Variants in ARHGAP18 observed in about 807,000 individuals in gnomAD.
ARHGAP18 encodes the protein Rho GTPase activating protein 18, also known as rho GTPase-activating protein 18.
A neutral mutation model predicts 86.2 loss-of-function variants in ARHGAP18; 67 were observed. The observed-to-expected ratio is 0.78, with a 90% CI of 0.64 to 0.95. The LOEUF (loss-of-function observed/expected upper bound fraction) is 0.95, where lower values mean the gene tolerates loss of function less well. ARHGAP18 is among the 40% of genes least tolerant of loss of function. ARHGAP18 has a pLI of 0.00. For synonymous variants in ARHGAP18, 283 were observed against 280.4 expected (o/e 1.01, Z -0.09); for missense variants, 691 against 780.4 (o/e 0.89, Z 1.37).
chr6:129,658,720 T>C (rs191854723), intron 1 of ARHGAP18, among the ~76,000 whole-genome samples: 1 of 152,354 alleles, frequency 6.6e-6, no homozygotes, highest in Non-Finnish European at 1.5e-5. Context: ...GGTGATTCAG[T>C]AAGAATCAAG....
chr6:129,611,654 A>C (rs113861037), intron 7 of ARHGAP18, 44 bp from the exon 8 acceptor site: 10 of 1,539,764 alleles, frequency 6.5e-6, no homozygotes, highest in African/African-American at 4.1e-5. Flanking sequence ...TATTTGTAAC[A>C]GGTACAATTC....
chr6:129,618,724 C>T lies in ARHGAP18; in HGVS notation c.915G>A (p.Glu305=), dbSNP rs1345128240. ...LTALYDVLGI[E]LKQQKAVKIK... ...TTTTCACAGCTTTTTGTTGTTTCAGCTCAATACCCAATACATCATAGAGGG... is the reference window on the plus strand; with the variant it reads ...TTTTCACAGCTTTTTGTTGTTTCAGTTCAATACCCAATACATCATAGAGGG... The change falls in exon 6 of 15, where the codon GAG becomes GAA. Residue 305 remains glutamate, a synonymous_variant. Transcript: ENST00000368149. 2 of 1,612,022 alleles carry T rather than the reference C, an allele frequency of 1.2e-6. No homozygotes were observed. The highest frequency in any genetic ancestry group is 1.7e-6 in the Non-Finnish European group (2 of 1,179,030).
At chr6:129,657,300 T>A (rs1292694389) in intron 1 of ARHGAP18, among the ~76,000 whole-genome samples, 1 of 152,130 alleles carries the variant, frequency 6.6e-6, no homozygotes, top group African/African-American at 2.4e-5. Context: ...AATATTATGC[T>A]AATAAAAGGG....
chr6:129,700,871 A>G (rs1466014797), intron 1 of ARHGAP18, among the ~76,000 whole-genome samples: 1 of 152,122 alleles, frequency 6.6e-6, no homozygotes, highest in Non-Finnish European at 1.5e-5. Context: ...ATCTAGCTCC[A>G]AAATCTGTGT....
At chr6:129,635,565 T>C (rs1240995080) in intron 3 of ARHGAP18, among the ~76,000 whole-genome samples, 2 of 152,206 alleles carry the variant, frequency 1.3e-5, no homozygotes, top group African/African-American at 2.4e-5. Flanking sequence ...GAGCATGTGG[T>C]CGGAATTATT....
intron 1 of ARHGAP18, among the ~76,000 whole-genome samples, chr6:129,642,418 A>G (rs1354092247): frequency 6.6e-6 from 1 of 151,906 alleles, no homozygotes; most frequent in Non-Finnish European, 1.5e-5. Context: ...CTGAGGAGCT[A>G]CTACTACAGG....
At chr6:129,680,612 C>T (rs1458357891) in intron 1 of ARHGAP18, among the ~76,000 whole-genome samples, 1 of 152,196 alleles carries the variant, frequency 6.6e-6, no homozygotes, top group Non-Finnish European at 1.5e-5. Flanking sequence ...CAGCCCCCTA[C>T]ACAGGGCCAG....
intron 1 of ARHGAP18, among the ~76,000 whole-genome samples, chr6:129,675,102 A>C (rs756989754): frequency 6.6e-6 from 1 of 152,150 alleles, no homozygotes; most frequent in Non-Finnish European, 1.5e-5. Context: ...TACTCCTTAC[A>C]ATCTTGCCAT....
At chr6:129,652,358 A>G (rs372876620) in intron 1 of ARHGAP18, among the ~76,000 whole-genome samples, 3 of 152,160 alleles carry the variant, frequency 2.0e-5, no homozygotes, top group East Asian at 3.8e-4. Context: ...TTACCCATTC[A>G]TTTTTATTGT....
chr6:129,629,419 T>G lies in ARHGAP18; in HGVS notation c.720A>C (p.Ala240=), dbSNP rs751768603. 1 of 1,613,828 alleles carries G rather than the reference T, an allele frequency of 6.2e-7. No homozygotes were observed. The highest frequency in any genetic ancestry group is 1.3e-5 in the African/African-American group (1 of 74,848). ...CCTTGGAGCTCTCTTTCTGATTGAGTGCTTGCTCGGCAAATGATACCTCCA... is the reference window on the plus strand; with the variant it reads ...CCTTGGAGCTCTCTTTCTGATTGAGGGCTTGCTCGGCAAATGATACCTCCA... The part of the protein sequence containing the change: ...INLEVSFAEQ[A]LNQKESSKEK... The change falls in exon 5 of 15, where the codon GCA becomes GCC. Residue 240 remains alanine, a synonymous_variant. Transcript: ENST00000368149.
At chr6:129,649,374 C>G (rs747416500) in intron 1 of ARHGAP18, among the ~76,000 whole-genome samples, 2 of 151,810 alleles carry the variant, frequency 1.3e-5, no homozygotes, top group African/African-American at 4.8e-5. Context: ...GCCAACAGGG[C>G]GAAACCTCGT....
At chr6:129,675,855 G>A (rs1774223715) in intron 1 of ARHGAP18, among the ~76,000 whole-genome samples, 1 of 152,034 alleles carries the variant, frequency 6.6e-6, no homozygotes, top group African/African-American at 2.4e-5. Flanking sequence ...ACCAAGTTTA[G>A]CCAAGAGCCA....
At chr6:129,679,497 C>T (rs1398500635) in intron 1 of ARHGAP18, among the ~76,000 whole-genome samples, 2 of 152,146 alleles carry the variant, frequency 1.3e-5, no homozygotes, top group East Asian at 1.9e-4. Flanking sequence ...AATGTGGATA[C>T]AATTATACAC....
At chr6:129,582,723 T>C (rs1176162194) in intron 13 of ARHGAP18, among the ~76,000 whole-genome samples, 1 of 152,208 alleles carries the variant, frequency 6.6e-6, no homozygotes, top group Non-Finnish European at 1.5e-5. Context: ...CCAGCCAGTG[T>C]GGAGAATGGT....
intron 1 of ARHGAP18, among the ~76,000 whole-genome samples, chr6:129,685,520 T>G (rs1022655657): frequency 6.6e-6 from 1 of 151,736 alleles, no homozygotes; most frequent in Admixed American, 6.6e-5. Flanking sequence ...AAAAAAAAAT[T>G]GTGAAATATA....
chr6:129,613,997 A>G (rs1789038484), intron 7 of ARHGAP18, among the ~76,000 whole-genome samples: 1 of 152,214 alleles, frequency 6.6e-6, no homozygotes, highest in Non-Finnish European at 1.5e-5. Context: ...TTTGACAGTG[A>G]AAACACTAGA....
At chr6:129,611,150 C>T (rs1463065001) in intron 8 of ARHGAP18, among the ~76,000 whole-genome samples, 2 of 152,190 alleles carry the variant, frequency 1.3e-5, no homozygotes, top group Non-Finnish European at 2.9e-5. Context: ...AATCCTCCCG[C>T]CTTGGCCTCC....
intron 1 of ARHGAP18, among the ~76,000 whole-genome samples, chr6:129,683,804 C>A (rs1333555269): frequency 6.6e-6 from 1 of 152,070 alleles, no homozygotes; most frequent in Non-Finnish European, 1.5e-5. Context: ...AATGAGAACA[C>A]CATCAAGAAT....
At chr6:129,641,044 C>T (rs185280235) in intron 2 of ARHGAP18, among the ~76,000 whole-genome samples, 9 of 152,120 alleles carry the variant, frequency 5.9e-5, no homozygotes, top group Admixed American at 4.6e-4. Context: ...GCACCAAATA[C>T]AAGAAAGAAG....
Sources: gnomAD v4.1 joint callset for allele counts (sites outside exome capture counted in the v4.1 genomes callset) on GRCh38, gnomAD v4.1.1 for gene constraint, MANE v1.5 for transcripts, NCBI Gene and HGNC (gene_info 2026-07-23, HGNC 2026-07-21) for gene names.